The following TERT variants were observed in gnomAD, a reference collection of about 807,000 sequenced individuals.
TERT encodes telomerase catalytic subunit.
Under a neutral mutation model 104.0 loss-of-function variants are expected in TERT, and 42 were observed. The ratio of observed to expected loss-of-function variants is 0.40; its 90% CI spans 0.32 to 0.52. The LOEUF is 0.52. Among genes scored for constraint, TERT ranks in the 20% least tolerant of loss-of-function variants. TERT has a pLI of 0.43. For missense variants in TERT, 1,101 were observed against 1,610.3 expected (o/e 0.68, Z 5.41); for synonymous variants, 781 against 725.6 (o/e 1.08, Z -1.23).
chr5:1,292,198 G>C lies in TERT; in HGVS notation c.1573+1115C>G, dbSNP rs1751037392. 6.6e-6 allele frequency among the ~76,000 whole-genome samples: 1 copy of C among 152,168 alleles called. No individual in the cohort carries two copies. Among genetic ancestry groups the C allele is most frequent in the South Asian group, 2.1e-4 (1 of 4,824 alleles). Reference sequence around the variant, plus strand: ...CATGGCCGGAAGTCTTACATGTCTTGGGAGTTTGTGGGGAGGGGGTGAAAT... The same window carrying C: ...CATGGCCGGAAGTCTTACATGTCTTCGGAGTTTGTGGGGAGGGGGTGAAAT... On this transcript the variant is annotated intron_variant, in intron 2 of 15. Coordinates refer to ENST00000310581, the MANE Select transcript of TERT (RefSeq NM_198253.3). The surrounding 1 kb of genome is among the most constrained non-coding windows in gnomAD (Gnocchi z 5.5).
Position 1,280,265 on chromosome 5 carries a change from C to G in TERT, c.1843G>C (p.Ala615Pro). ...AAGCGGAGTCTGGACGTCAGCAGGG[C>G]GGGCCTGGCTTCCCGATGCTGCCTG... is the stretch of plus-strand genomic sequence containing the variant. ...EVRQHREARP[A>P]LLTSRLRFIP... Residue 615 changes from alanine (A) to proline (P), a missense_variant, in exon 4 of 16, where the codon GCC (alanine) becomes CCC (proline). Transcript: ENST00000310581. 6.2e-7 allele frequency: 1 copy of G among 1,613,760 alleles called. No individual in the cohort carries two copies. The highest frequency in any genetic ancestry group is 1.1e-5 in the South Asian group (1 of 91,088).
chr5:1,283,422 C>A (rs1317472151), intron 2 of TERT, among the ~76,000 whole-genome samples: 1 of 148,290 alleles, frequency 6.7e-6, no homozygotes, highest in Non-Finnish European at 1.5e-5. Flanking sequence ...CACCCCGGAC[C>A]TGCACCATCC....
intron 2 of TERT, among the ~76,000 whole-genome samples, chr5:1,290,976 C>T (rs1308823882): frequency 2.1e-5 from 3 of 141,342 alleles, no homozygotes; most frequent in African/African-American, 5.6e-5. Context: ...CCGGGGACGG[C>T]GCCTCACTCA....
chr5:1,281,197 T>C (rs1028265782), intron 3 of TERT, among the ~76,000 whole-genome samples: 1 of 152,228 alleles, frequency 6.6e-6, no homozygotes, highest in Non-Finnish European at 1.5e-5. Context: ...CGCACACCAT[T>C]AAATACGTGT....
Position 1,253,475 on chromosome 5 carries a change from A to T in TERT, c.*253T>A. The T allele has an allele frequency of 1.7e-6, 1 of 581,920 alleles. No individual in the cohort carries two copies. The allele number at this position is 581,920 out of a possible 1,614,324, so 36.0% of individuals were successfully genotyped here. A position where few individuals can be genotyped will look rare whatever the true frequency, so the allele number is the denominator to read the frequency against. ...AAAAGCTGGCCCTGGGGTGGAGCCGAGCGCCAGCCTGTGGGGAAGTGAAGA... is the reference window on the plus strand; with the variant it reads ...AAAAGCTGGCCCTGGGGTGGAGCCGTGCGCCAGCCTGTGGGGAAGTGAAGA... On this transcript the variant is annotated 3_prime_UTR_variant, in exon 16 of 16. Transcript: ENST00000310581.
At chr5:1,277,667 C>CG (rs1458957648) in intron 6 of TERT, among the ~76,000 whole-genome samples, 5 of 100,544 alleles carry the variant, frequency 5.0e-5, no homozygotes, top group Non-Finnish European at 8.4e-5. Context: ...GCGGTGGGGA[C>CG]GGGGGGGTCT....
At chr5:1,267,051 A>G (rs561744021) in intron 9 of TERT, among the ~76,000 whole-genome samples, 22 of 152,348 alleles carry the variant, frequency 1.4e-4, no homozygotes, top group African/African-American at 4.1e-4. Flanking sequence ...AGGGCTGACC[A>G]GTGTGCCGCC....
Position 1,257,993 on chromosome 5 carries a change from C to T in TERT, c.3032+605G>A, listed in dbSNP as rs1335200621. On this transcript the variant is annotated intron_variant, in intron 13 of 15. Coordinates refer to ENST00000310581, the MANE Select transcript of TERT (RefSeq NM_198253.3). The surrounding 1 kb of genome is among the most constrained non-coding windows in gnomAD (Gnocchi z 5.6). The stretch of plus-strand genomic sequence containing the variant: ...GCCCTGACTCCAGGCAGAAGCTGGC[C>T]CTGTGGCCTCCACAGATTGGCCCTT... Among the ~76,000 whole-genome samples, 1 of 152,214 alleles carries T rather than the reference C, an allele frequency of 6.6e-6. No individual in the cohort carries two copies. The highest frequency in any genetic ancestry group is 1.5e-5 in the Non-Finnish European group (1 of 68,036).
rs574645600 is a variant in TERT at position 1,271,219 on chromosome 5, G to A, written c.2383-15C>T. 368 of 1,600,808 alleles carry A rather than the reference G, an allele frequency of 2.3e-4. 4 individuals carry two copies. In the South Asian group the frequency reaches 3.4e-3, roughly 15 times the overall value. ...AGGGAGGAGCTCTGCGAAAGCAGAC[G>A]GGAGACACATGGGAGTGAGCCGGTG... On this transcript the variant is annotated splice_polypyrimidine_tract_variant and intron_variant, in intron 7 of 15. Transcript: ENST00000310581.
Position 1,294,341 on chromosome 5 carries a change from G to T in TERT, c.545C>A (p.Thr182Asn). 1 of 1,578,366 alleles carries T rather than the reference G, an allele frequency of 6.3e-7. No homozygotes were observed. The change falls in exon 2 of 16, where the codon ACT becomes AAT. Residue 182 changes from threonine to asparagine, a missense_variant. Thr to Asn is a moderately conservative substitution (Grantham distance 65). Coordinates refer to ENST00000310581, the MANE Select transcript of TERT (RefSeq NM_198253.3). ...AGCGTGTGGCGGGGGCCGGGCCTGA[G>T]TGGCAGCGCCGAGCTGGTACAGCGG... ...GPPLYQLGAA[T>N]QARPPPHASG... is the part of the protein sequence containing the mutation.
At chr5:1,271,463 C>T (rs1027811771) in intron 7 of TERT, among the ~76,000 whole-genome samples, 2 of 152,164 alleles carry the variant, frequency 1.3e-5, no homozygotes, top group African/African-American at 4.8e-5. Context: ...CACAGCCCAC[C>T]GTGGCCCGGA....
chr5:1,281,264 C>T (rs1750004140), intron 3 of TERT, among the ~76,000 whole-genome samples: 1 of 152,226 alleles, frequency 6.6e-6, no homozygotes, highest in Non-Finnish European at 1.5e-5. Flanking sequence ...AAGCCCTGAC[C>T]CTCCCCCAGA....
At chr5:1,279,850 C>A (rs1467440921) in intron 4 of TERT, among the ~76,000 whole-genome samples, 2 of 152,202 alleles carry the variant, frequency 1.3e-5, no homozygotes, top group Non-Finnish European at 2.9e-5. Context: ...CGCACGGAGG[C>A]TGCGCACCAC....
In TERT at chr5:1,261,620, G is replaced by A. The variant is rs566894814; in HGVS notation, c.2844-1020C>T. 5.3e-5 allele frequency among the ~76,000 whole-genome samples: 8 copies of A among 152,228 alleles called. No homozygotes were observed. Among genetic ancestry groups the A allele is most frequent in the Non-Finnish European group, 1.0e-4 (7 of 68,040 alleles). On this transcript the variant is annotated intron_variant, in intron 11 of 15. Coordinates refer to ENST00000310581, the MANE Select transcript of TERT (RefSeq NM_198253.3). The surrounding 1 kb of genome is among the most constrained non-coding windows in gnomAD (Gnocchi z 7.4). ...AGGTCTCGCCATCAGTTTCACGTGCGTTTCTTTGAGGGATGGGTCTCGCTG... is the reference window on the plus strand; with the variant it reads ...AGGTCTCGCCATCAGTTTCACGTGCATTTCTTTGAGGGATGGGTCTCGCTG...
At position 1,279,401 on chromosome 5, in the gene TERT, C is replaced by A. The variant is rs773813809; in HGVS notation, c.2020G>T (p.Gly674Cys). ...CCCAGCACAGAGGCGCCCAGGAGGCCGGGGCGCCGCGCCCGCTCGTAGTTG... is the reference window on the plus strand; with the variant it reads ...CCCAGCACAGAGGCGCCCAGGAGGCAGGGGCGCCGCGCCCGCTCGTAGTTG... Reference protein sequence around the residue: ...VLNYERARRPGLLGASVLGLD... With the variant: ...VLNYERARRPCLLGASVLGLD... The change falls in exon 5 of 16, where the codon GGC (glycine) becomes TGC (cysteine). Residue 674 changes from glycine (G) to cysteine (C), a missense_variant. Around this residue, in one of 5 missense-constraint regions of TERT, gnomAD observed 463 missense variants for 797.5 expected, o/e 0.58. Coordinates refer to ENST00000310581, the MANE Select transcript of TERT (RefSeq NM_198253.3). 1 of 1,530,906 alleles carries A rather than the reference C, an allele frequency of 6.5e-7. No individual in the cohort carries two copies. Among genetic ancestry groups the A allele is most frequent in the Non-Finnish European group, 8.8e-7 (1 of 1,136,394 alleles). 94.8% of individuals were successfully genotyped at this position (1,530,906 alleles called of 1,614,324 possible).
chr5:1,291,214 A>G (rs1302097251), intron 2 of TERT, among the ~76,000 whole-genome samples: 1 of 20,856 alleles, frequency 4.8e-5, no homozygotes, highest in Non-Finnish European at 8.1e-5. Flanking sequence ...CGTGACAGGG[A>G]CACCTGGGGC....
intron 6 of TERT, among the ~76,000 whole-genome samples, chr5:1,277,893 A>AC (rs1322751978): frequency 3.3e-5 from 5 of 151,700 alleles, no homozygotes; most frequent in Non-Finnish European, 4.4e-5. Flanking sequence ...TTGAGGGCTT[A>AC]CCCCTCCAGC....
At position 1,288,404 on chromosome 5, in the gene TERT, A is replaced by C. The variant is rs1286542007; in HGVS notation, c.1573+4909T>G. ...GGTAAATCAGTGAAATTCAAAACTA[A>C]GACCCAAGAGGGAAGTCTGACGAAG... On this transcript the variant is annotated intron_variant, in intron 2 of 15. Transcript: ENST00000310581. This position sits in a 1 kb window ranked among gnomAD's most constrained non-coding sequence, Gnocchi z 5.3. Among the ~76,000 whole-genome samples the C allele has an allele frequency of 6.6e-6, 1 of 152,184 alleles. No individual in the cohort carries two copies. The highest frequency in any genetic ancestry group is 6.5e-5 in the Admixed American group (1 of 15,278).
Position 1,272,631 on chromosome 5 carries a change from TCCACA to T in TERT, c.2287-356_2287-352del, listed in dbSNP as rs1749157666. On this transcript the variant is annotated intron_variant, in intron 6 of 15. Transcript: ENST00000310581. ...ACCACATCAGACCCCACGACCGCCATCCACAGTCACCACACATCAGACCCCACGAC... is the reference window on the plus strand; with the variant it reads ...ACCACATCAGACCCCACGACCGCCATGTCACCACACATCAGACCCCACGAC... Among the ~76,000 whole-genome samples, 287 of 43,960 alleles carry T rather than the reference TCCACA, an allele frequency of 6.5e-3. 8 individuals are homozygous for T. Among genetic ancestry groups the T allele is most frequent in the Middle Eastern group, 0.024 (1 of 42 alleles). 28.8% of individuals were successfully genotyped at this position (43,960 alleles called of 152,430 possible). A position where few individuals can be genotyped will look rare whatever the true frequency, so the allele number is the denominator to read the frequency against.
Sources: allele counts gnomAD v4.1 joint callset (sites outside exome capture counted in the v4.1 genomes callset), GRCh38; gene constraint gnomAD v4.1.1; regional missense constraint gnomAD v4.1.1; non-coding constraint Gnocchi (gnomAD v3.1); transcripts MANE v1.5; gene names NCBI Gene and HGNC (gene_info 2026-07-23, HGNC 2026-07-21).